The following SCOC variants were observed in gnomAD, a reference collection of about 807,000 sequenced individuals.
The protein encoded by SCOC is short coiled coil protein.
Under a neutral mutation model 9.9 loss-of-function variants are expected in SCOC, and 7 were observed. The ratio of observed to expected loss-of-function variants is 0.71; its 90% CI spans 0.40 to 1.33. SCOC has a LOEUF of 1.33. SCOC is among the 40% of genes most tolerant of loss of function. SCOC has a pLI of 0.01. For synonymous variants in SCOC, 19 were observed against 28.2 expected (o/e 0.67, Z 1.03); for missense variants, 66 against 89.7 (o/e 0.74, Z 1.07).
intron 1 of SCOC, among the ~76,000 whole-genome samples, chr4:140,321,225 A>G (rs1301888244): frequency 1.3e-5 from 2 of 152,194 alleles, no homozygotes; most frequent in African/African-American, 4.8e-5. Context: ...CTCAGTTCCA[A>G]GCATAAAAAT....
chr4:140,374,096 T>A, intron 1 of SCOC: 1 of 475,444 alleles, frequency 2.1e-6, no homozygotes. Flanking sequence ...CTGGCACGCC[T>A]GGACCTTCCC....
chr4:140,340,465 A>T (rs1245632070), upstream of SCOC, among the ~76,000 whole-genome samples: 3 of 148,032 alleles, frequency 2.0e-5, no homozygotes, highest in African/African-American at 2.5e-5. Context: ...AAAGTATAAT[A>T]AAAAAAAAAG....
chr4:140,328,077 T>C (rs748023398), intron 1 of SCOC, among the ~76,000 whole-genome samples: 9 of 152,212 alleles, frequency 5.9e-5, no homozygotes, highest in African/African-American at 1.2e-4. Context: ...TTCTGCTTCC[T>C]CACCAGTAAT....
intron 1 of SCOC, among the ~76,000 whole-genome samples, chr4:140,295,835 G>C (rs565870138): frequency 1.3e-5 from 2 of 150,402 alleles, no homozygotes; most frequent in Admixed American, 1.3e-4. Flanking sequence ...GGAGGCTGAG[G>C]CAGGAGAATG....
chr4:140,298,567 G>A (rs1731716739), intron 1 of SCOC, among the ~76,000 whole-genome samples: 1 of 152,172 alleles, frequency 6.6e-6, no homozygotes, highest in African/African-American at 2.4e-5. Flanking sequence ...TGGAAAGGAG[G>A]CTCTGGAATG....
At chr4:140,333,250 C>T (rs1329424713) in intron 1 of SCOC, among the ~76,000 whole-genome samples, 2 of 152,128 alleles carry the variant, frequency 1.3e-5, no homozygotes, top group Admixed American at 1.3e-4. Flanking sequence ...ATAACACCCA[C>T]ACTCCTATCA....
At chr4:140,288,601 C>G (rs933326589) in intron 1 of SCOC, among the ~76,000 whole-genome samples, 2 of 151,980 alleles carry the variant, frequency 1.3e-5, no homozygotes, top group Non-Finnish European at 2.9e-5. Flanking sequence ...TATCACACAT[C>G]ACATACACAC....
intron 1 of SCOC, among the ~76,000 whole-genome samples, chr4:140,375,393 A>G (rs980637150): frequency 3.9e-5 from 6 of 152,200 alleles, no homozygotes; most frequent in African/African-American, 1.4e-4. Flanking sequence ...TATTATCCAC[A>G]TTTTACAAAT....
At chr4:140,288,740 C>T (rs1212997638) in intron 1 of SCOC, among the ~76,000 whole-genome samples, 1 of 152,010 alleles carries the variant, frequency 6.6e-6, no homozygotes, top group East Asian at 1.9e-4. Flanking sequence ...CAGACATGTA[C>T]ACACACCACA....
At position 140,385,477 on chromosome 4, in the gene SCOC, A is replaced by T. The variant is rs943398310; in HGVS notation, c.*4373A>T. ...TTTAACTTTTCAGAGATTTTTGGTCATGGAATTGTAGCAACAAAACCTTTT... is the reference window on the plus strand; with the variant it reads ...TTTAACTTTTCAGAGATTTTTGGTCTTGGAATTGTAGCAACAAAACCTTTT... On this transcript the variant is annotated 3_prime_UTR_variant, in exon 4 of 4. Coordinates refer to ENST00000608372, the MANE Select transcript of SCOC (RefSeq NM_001153484.2). 3.9e-5 allele frequency: 6 copies of T among 152,190 alleles called. No homozygotes were observed. The highest frequency in any genetic ancestry group is 8.8e-5 in the Non-Finnish European group (6 of 68,028). The allele number at this position is 152,190 out of a possible 1,614,324, so 9.4% of individuals were successfully genotyped here. A position where few individuals can be genotyped will look rare whatever the true frequency, so the allele number is the denominator to read the frequency against.
chr4:140,303,934 A>T (rs1243014767), intron 1 of SCOC, among the ~76,000 whole-genome samples: 8 of 152,212 alleles, frequency 5.3e-5, no homozygotes, highest in Admixed American at 5.2e-4. Flanking sequence ...TCATTTATTC[A>T]ACAAATTCTA....
intron 1 of SCOC, among the ~76,000 whole-genome samples, chr4:140,259,326 C>T (rs1320026211): frequency 6.6e-6 from 1 of 152,174 alleles, no homozygotes; most frequent in Non-Finnish European, 1.5e-5. Context: ...CTTTTCGTTC[C>T]TACTGTGCTC....
chr4:140,343,753 G>A, intron 2 of SCOC: 2 of 1,315,670 alleles, frequency 1.5e-6, no homozygotes, highest in East Asian at 2.4e-5. Flanking sequence ...TTCAACAACA[G>A]CTCAGTTTTT....
intron 1 of SCOC, among the ~76,000 whole-genome samples, chr4:140,293,105 C>G (rs1373556717): frequency 6.6e-6 from 1 of 152,244 alleles, no homozygotes; most frequent in African/African-American, 2.4e-5. Flanking sequence ...GCAAACTCCA[C>G]TGTACGTGTA....
intron 1 of SCOC, among the ~76,000 whole-genome samples, chr4:140,298,737 A>C (rs1483885091): frequency 1.3e-5 from 2 of 152,186 alleles, no homozygotes; most frequent in African/African-American, 4.8e-5. Context: ...GAAGTGACTG[A>C]ATAGAGGGAT....
At chr4:140,334,507 C>G (rs1227138303) in intron 1 of SCOC, among the ~76,000 whole-genome samples, 1 of 151,934 alleles carries the variant, frequency 6.6e-6, no homozygotes, top group African/African-American at 2.4e-5. Flanking sequence ...TCATTTAAAA[C>G]AGAATATAAT....
intron 1 of SCOC, among the ~76,000 whole-genome samples, chr4:140,297,857 G>A (rs1373902947): frequency 1.3e-5 from 2 of 152,142 alleles, no homozygotes; most frequent in Non-Finnish European, 2.9e-5. Flanking sequence ...TTTTCTTTAA[G>A]GTTAATAGAA....
At chr4:140,362,253 C>G (rs1442412102) in intron 2 of SCOC, among the ~76,000 whole-genome samples, 1 of 89,530 alleles carries the variant, frequency 1.1e-5, no homozygotes, top group African/African-American at 4.4e-5. Flanking sequence ...AAACTAAAGA[C>G]CGGCTAAAGA....
chr4:140,312,953 T>A (rs1049022695), intron 1 of SCOC, among the ~76,000 whole-genome samples: 1 of 152,188 alleles, frequency 6.6e-6, no homozygotes, highest in African/African-American at 2.4e-5. Flanking sequence ...GAAGGTCACA[T>A]CAGCCTTCAT....
Sources: allele counts gnomAD v4.1 joint callset (sites outside exome capture counted in the v4.1 genomes callset), GRCh38; gene constraint gnomAD v4.1.1; transcripts MANE v1.5; gene names NCBI Gene and HGNC (gene_info 2026-07-23, HGNC 2026-07-21).